The following ABCA13 variants were observed in gnomAD, a reference collection of about 807,000 sequenced individuals.
ABCA13 encodes the protein ATP-binding cassette sub-family A member 13.
ABCA13 carries 476 observed loss-of-function variants against 478.7 expected under a neutral mutation model. The observed-to-expected ratio is 0.99, with a 90% CI of 0.92 to 1.07. The LOEUF (loss-of-function observed/expected upper bound fraction) is 1.07, where lower values mean the gene tolerates loss of function less well. Ranked by LOEUF, ABCA13 falls within the 50% of genes least tolerant of loss-of-function variation. The pLI is 0.00. For synonymous variants in ABCA13, 2,252 were observed against 2,158.9 expected (o/e 1.04, Z -1.20); for missense variants, 6,060 against 5,910.6 (o/e 1.03, Z -0.83).
At chr7:48,309,772 C>T (rs1283175233) in intron 23 of ABCA13, among the ~76,000 whole-genome samples, 175 bp from the exon 24 acceptor site, 1 of 152,164 alleles carries the variant, frequency 6.6e-6, no homozygotes, top group Admixed American at 6.5e-5. Flanking sequence ...AGAAACATTT[C>T]CATCAAAATG....
chr7:48,203,978 A>G (rs921498000), intron 3 of ABCA13, among the ~76,000 whole-genome samples: 7 of 150,896 alleles, frequency 4.6e-5, no homozygotes, highest in Non-Finnish European at 1.0e-4. Context: ...ACATGCCCAG[A>G]CCCCCTGAGA....
chr7:48,417,843 C>T (rs755271435), intron 41 of ABCA13, among the ~76,000 whole-genome samples: 5 of 152,186 alleles, frequency 3.3e-5, no homozygotes, highest in African/African-American at 4.8e-5. Flanking sequence ...CCTCCCTGCC[C>T]GAAGCCCCAG....
intron 58 of ABCA13, among the ~76,000 whole-genome samples, chr7:48,600,334 G>A (rs1282168587): frequency 6.7e-6 from 1 of 149,770 alleles, no homozygotes; most frequent in East Asian, 1.9e-4. Context: ...TATAGATTGT[G>A]TATAGTTGGA....
chr7:48,218,308 A>G (rs1350567171), intron 3 of ABCA13, among the ~76,000 whole-genome samples: 4 of 152,188 alleles, frequency 2.6e-5, no homozygotes, highest in African/African-American at 9.7e-5. Flanking sequence ...TTTAGCCTTT[A>G]ATATGAGGCC....
At chr7:48,561,880 G>T (rs2885705) in intron 55 of ABCA13, among the ~76,000 whole-genome samples, 2,718 of 151,934 alleles carry the variant, frequency 0.018, 71 homozygotes, top group African/African-American at 0.062. Context: ...GTTTCAATCT[G>T]TAATCTATTT....
chr7:48,481,957 CACTGTGATAGAAGAGAAG>C (rs965662324), intron 46 of ABCA13, among the ~76,000 whole-genome samples: 2 of 152,076 alleles, frequency 1.3e-5, no homozygotes, highest in African/African-American at 4.8e-5. Context: ...GAGAGTAGAA[CACTGTGATAGAAGAGAAG>C]ACTATTCTTC....
intron 20 of ABCA13, among the ~76,000 whole-genome samples, chr7:48,292,709 G>A (rs1307700676): frequency 1.3e-5 from 2 of 152,130 alleles, no homozygotes; most frequent in Admixed American, 6.6e-5. Flanking sequence ...AAGGAGGGTT[G>A]TACACCTTCC....
chr7:48,468,917 T>C (rs17730078), intron 44 of ABCA13, among the ~76,000 whole-genome samples: 24,150 of 152,236 alleles, frequency 0.16, 2,442 homozygotes, highest in East Asian at 0.23. Flanking sequence ...TTTCTCACAG[T>C]AGTAGGTGAT....
At chr7:48,480,874 T>C (rs998357393) in intron 45 of ABCA13, among the ~76,000 whole-genome samples, 162 bp from the exon 46 acceptor site, 4 of 152,220 alleles carry the variant, frequency 2.6e-5, no homozygotes, top group Non-Finnish European at 4.4e-5. Context: ...CAAATACATG[T>C]GACTGAAAGA....
At chr7:48,250,021 GGT>G (rs1381148056) in intron 15 of ABCA13, among the ~76,000 whole-genome samples, 1 of 150,014 alleles carries the variant, frequency 6.7e-6, no homozygotes, top group East Asian at 1.9e-4. Flanking sequence ...TGATCAATTG[GGT>G]ATAAATCAGG....
chr7:48,310,257 G>A (rs1018896485), intron 24 of ABCA13, 116 bp downstream of exon 24: 2 of 1,134,624 alleles, frequency 1.8e-6, no homozygotes, highest in African/African-American at 3.1e-5. Flanking sequence ...TGGCCACTCT[G>A]CAGTGGTCTC....
chr7:48,327,404 A>G (rs1385427962), intron 27 of ABCA13, among the ~76,000 whole-genome samples: 1 of 152,134 alleles, frequency 6.6e-6, no homozygotes, highest in Non-Finnish European at 1.5e-5. Flanking sequence ...CGTGGGGATT[A>G]GGGGAAGTAC....
At chr7:48,383,177 C>T (rs996085035) in intron 35 of ABCA13, among the ~76,000 whole-genome samples, 1 of 152,164 alleles carries the variant, frequency 6.6e-6, no homozygotes. Context: ...AGTGAGAAAA[C>T]AAGGATACAA....
chr7:48,362,543 A>G (rs572206924), intron 31 of ABCA13, among the ~76,000 whole-genome samples: 1 of 149,024 alleles, frequency 6.7e-6, no homozygotes, highest in East Asian at 2.0e-4. Context: ...AGCTTCTTAT[A>G]TATGTGGCCT....
intron 32 of ABCA13, among the ~76,000 whole-genome samples, chr7:48,370,859 A>T (rs1005148685): frequency 1.3e-5 from 2 of 152,326 alleles, no homozygotes; most frequent in African/African-American, 4.8e-5. Context: ...CAAACCTAGC[A>T]GAAGAAAAGA....
chr7:48,585,314 T>C (rs1357413787), intron 56 of ABCA13, among the ~76,000 whole-genome samples: 1 of 152,206 alleles, frequency 6.6e-6, no homozygotes, highest in Non-Finnish European at 1.5e-5. Flanking sequence ...TAAAACATTC[T>C]GGGGAAAATG....
intron 19 of ABCA13, among the ~76,000 whole-genome samples, chr7:48,283,037 G>C (rs557422470): frequency 1.3e-5 from 2 of 152,380 alleles, no homozygotes; most frequent in African/African-American, 4.8e-5. Flanking sequence ...GCAGCGAGAA[G>C]TAGTGGGTGG....
intron 20 of ABCA13, among the ~76,000 whole-genome samples, chr7:48,294,437 T>TTTTG (rs1562987098): frequency 2.2e-5 from 2 of 90,438 alleles, no homozygotes; most frequent in African/African-American, 7.2e-5. Context: ...TTTTTTTTTT[T>TTTTG]TTTTGTTTTG....
At chr7:48,546,303 C>T (rs1784806417) in intron 55 of ABCA13, among the ~76,000 whole-genome samples, 1 of 151,822 alleles carries the variant, frequency 6.6e-6, no homozygotes, top group African/African-American at 2.4e-5. Flanking sequence ...AAAACATTTT[C>T]ATTGTTGCAG....
Sources: allele counts gnomAD v4.1 joint callset (sites outside exome capture counted in the v4.1 genomes callset), GRCh38; gene constraint gnomAD v4.1.1; transcripts MANE v1.5; gene names NCBI Gene and HGNC (gene_info 2026-07-23, HGNC 2026-07-21).